Variants in ASB11 observed in about 807,000 individuals in gnomAD.
The protein encoded by ASB11 is ankyrin repeat and SOCS box containing 11, also known as ankyrin repeat and SOCS box protein 11.
A neutral mutation model predicts 20.1 loss-of-function variants in ASB11; 17 were observed. The observed-to-expected ratio is 0.85, with a 90% CI of 0.58 to 1.27. The LOEUF is 1.27. ASB11 is among the 50% of genes most tolerant of loss of function. The probability of loss-of-function intolerance (pLI) is 0.00; values close to 1 mark genes in which losing one functional copy is unlikely to be tolerated. For synonymous variants in ASB11, 107 were observed against 105.6 expected (o/e 1.01, Z -0.08); for missense variants, 259 against 256.9 (o/e 1.01, Z -0.06).
intron 1 of ASB11, among the ~76,000 whole-genome samples, chrX:15,305,569 C>A (rs1327261149): frequency 9.7e-6 from 1 of 102,781 alleles, no homozygotes; most frequent in African/African-American, 3.6e-5. Flanking sequence ...GAAATTATTT[C>A]CAAACATTTT....
rs779501036 is a variant in ASB11 at position 15,289,562 on chromosome X, G to A, written c.597C>T (p.Pro199=). The A allele has an allele frequency of 8.3e-7, 1 of 1,206,491 alleles. No homozygotes were observed. Among genetic ancestry groups the A allele is most frequent in the African/African-American group, 1.8e-5 (1 of 56,941 alleles). ...IDHEVPQLGT[P]LYVACTYQRV... ...TCTGGTAGGTGCAGGCCACATATAG[G>A]GGAGTTCCGAGCTGAGGCACCTCAT... Residue 199 remains proline, a synonymous_variant, in exon 5 of 7, where the codon CCC becomes CCT. Transcript: ENST00000480796.
At chrX:15,302,949 G>A (rs987253317) in intron 1 of ASB11, 142 bp from the exon 2 acceptor site, 23 of 493,550 alleles carry the variant, frequency 4.7e-5, no homozygotes, top group African/African-American at 7.2e-5. Context: ...AGGCTCTCTC[G>A]TCAGCCACTT....
In ASB11 at chrX:15,283,361, G is replaced by A. The variant is rs578016685; in HGVS notation, c.*144C>T. 3.9e-5 allele frequency: 33 copies of A among 843,441 alleles called. No individual in the cohort carries two copies. In the South Asian group the frequency reaches 7.9e-4, roughly 20 times the overall value. The allele number at this position is 843,441 out of a possible 1,213,427, so 69.5% of individuals were successfully genotyped here. ...AACCAGGAGTTTCCACTCCTCAAGT[G>A]TTCTAGCTCATGGGGGATTTACTTC... is the stretch of plus-strand genomic sequence containing the variant. On this transcript the variant is annotated 3_prime_UTR_variant, in exon 7 of 7. Coordinates refer to ENST00000480796, the MANE Select transcript of ASB11 (RefSeq NM_080873.3).
Position 15,283,601 on chromosome X carries a change from G to T in ASB11, c.876C>A (p.Arg292=). The T allele has an allele frequency of 8.3e-7, 1 of 1,210,435 alleles. No individual in the cohort carries two copies. The highest frequency in any genetic ancestry group is 1.1e-6 in the Non-Finnish European group (1 of 894,592). The part of the protein sequence containing the change: ...EGPPALSQLC[R]LCVRKCLGRA... ...GACCGAGACACTTCCGGACACACAG[G>T]CGGCAGAGCTGGGAAAGAGCAGGTG... The change falls in exon 7 of 7, where the codon CGC becomes CGA. Residue 292 remains arginine (R), a synonymous_variant. Transcript: ENST00000480796.
chrX:15,298,263 C>T (rs1038775166), intron 2 of ASB11, among the ~76,000 whole-genome samples: 1 of 111,581 alleles, frequency 9.0e-6, no homozygotes, highest in African/African-American at 3.3e-5. Context: ...TAAAATGTTT[C>T]AAGCTGTGAA....
At chrX:15,301,266 C>A (rs1008342798) in intron 2 of ASB11, among the ~76,000 whole-genome samples, 28 of 111,787 alleles carry the variant, frequency 2.5e-4, no homozygotes, top group Admixed American at 1.4e-3. Context: ...TCCGGCCAGT[C>A]CACCTTTTTA....
At chrX:15,301,346 A>G (rs1921060833) in intron 2 of ASB11, among the ~76,000 whole-genome samples, 1 of 112,488 alleles carries the variant, frequency 8.9e-6, no homozygotes, top group Non-Finnish European at 1.9e-5. Flanking sequence ...TCCAATTTAA[A>G]GTACTTAAAA....
At chrX:15,286,017 A>G (rs1405275526) in intron 6 of ASB11, among the ~76,000 whole-genome samples, 4 of 109,536 alleles carry the variant, frequency 3.7e-5, no homozygotes, top group African/African-American at 1.3e-4. Flanking sequence ...AATAATAATA[A>G]TAATAATAAC....
Position 15,312,909 on chromosome X carries a change from G to T in ASB11, c.181+2516C>A, listed in dbSNP as rs1490563186. ...GTTGAGGAGGATTTATTGTTTAGGT[G>T]TATTGGCCTAGTTGCATTAATATTT... is the stretch of plus-strand genomic sequence containing the variant. On this transcript the variant is annotated intron_variant, in intron 1 of 6. Transcript: ENST00000480796. 7.2e-5 allele frequency among the ~76,000 whole-genome samples: 8 copies of T among 111,837 alleles called. No homozygotes were observed. In the East Asian group the frequency reaches 2.2e-3, roughly 31 times the overall value.
At chrX:15,306,790 T>C (rs1353157893) in intron 1 of ASB11, among the ~76,000 whole-genome samples, 2 of 112,420 alleles carry the variant, frequency 1.8e-5, no homozygotes, top group African/African-American at 6.5e-5. Flanking sequence ...AATGTATGCA[T>C]ATAATTACCA....
At chrX:15,307,205 G>A (rs896063775) in intron 1 of ASB11, among the ~76,000 whole-genome samples, 6 of 112,413 alleles carry the variant, frequency 5.3e-5, no homozygotes, top group Non-Finnish European at 1.1e-4. Context: ...TTACTTATCA[G>A]TCCCATTAGA....
At chrX:15,296,468 G>A (rs1920965970) in intron 3 of ASB11, among the ~76,000 whole-genome samples, 1 of 111,555 alleles carries the variant, frequency 9.0e-6, no homozygotes, top group African/African-American at 3.3e-5. Context: ...AACAAAATTA[G>A]AAACAAAGAA....
intron 6 of ASB11, 41 bp downstream of exon 6, chrX:15,287,840 T>C (rs199601166): frequency 2.7e-5 from 31 of 1,143,054 alleles, no homozygotes; most frequent in Non-Finnish European, 3.4e-5. Context: ...GGGGAGAGAA[T>C]GTGCTTATGG....
intron 3 of ASB11, among the ~76,000 whole-genome samples, chrX:15,296,982 A>G (rs1441012867): frequency 1.8e-5 from 2 of 112,726 alleles, no homozygotes; most frequent in Non-Finnish European, 3.7e-5. Context: ...GTCCACCAAC[A>G]GATGAATGCA....
intron 3 of ASB11, among the ~76,000 whole-genome samples, chrX:15,295,878 A>C (rs1441224223): frequency 1.8e-5 from 2 of 111,884 alleles, no homozygotes; most frequent in African/African-American, 6.5e-5. Context: ...CGGCTCTCAC[A>C]CAGCCTTCCT....
intron 1 of ASB11, among the ~76,000 whole-genome samples, chrX:15,310,974 C>T (rs1345086866): frequency 2.7e-5 from 3 of 111,527 alleles, no homozygotes; most frequent in South Asian, 3.7e-4. Context: ...GCAATAAGAG[C>T]GAAACTCCAA....
intron 3 of ASB11, among the ~76,000 whole-genome samples, chrX:15,296,556 C>T (rs1406030148): frequency 9.0e-6 from 1 of 111,641 alleles, no homozygotes; most frequent in Non-Finnish European, 1.9e-5. Flanking sequence ...TTATATATTG[C>T]ACCTCAGTCA....
In ASB11 at chrX:15,312,071, T is replaced by C. The variant is rs554736908; in HGVS notation, c.181+3354A>G. Among the ~76,000 whole-genome samples, 5 of 111,032 alleles carry C rather than the reference T, an allele frequency of 4.5e-5. 1 individual carries two copies. The South Asian group carries it at 1.9e-3, about 42-fold the overall frequency. ...GATGACCAAGTCACAGTACTAAACA[T>C]AGCTTAATACAAATTAGCAAAGCTT... is the stretch of plus-strand genomic sequence containing the variant. On this transcript the variant is annotated intron_variant, in intron 1 of 6. Transcript: ENST00000480796.
At chrX:15,284,214 T>A (rs192088887) in intron 6 of ASB11, among the ~76,000 whole-genome samples, 108 of 96,010 alleles carry the variant, frequency 1.1e-3, no homozygotes, top group African/African-American at 4.4e-3. Flanking sequence ...ATCGGGCCAC[T>A]GCACTCCAGC....
Sources: gnomAD v4.1 joint callset for allele counts (sites outside exome capture counted in the v4.1 genomes callset) on GRCh38, gnomAD v4.1.1 for gene constraint, MANE v1.5 for transcripts, NCBI Gene and HGNC (gene_info 2026-07-23, HGNC 2026-07-21) for gene names.